STXBP2: variants seen among roughly 807,000 people sequenced by gnomAD.
The protein encoded by STXBP2 is syntaxin-binding protein 2.
STXBP2 carries 47 observed loss-of-function variants against 72.2 expected under a neutral mutation model. The observed-to-expected ratio is 0.65, with a 90% CI of 0.51 to 0.83. STXBP2 has a LOEUF of 0.83. Among genes scored for constraint, STXBP2 ranks in the 40% least tolerant of loss-of-function variants. STXBP2 has a pLI of 0.00. For synonymous variants in STXBP2, 367 were observed against 338.7 expected, an observed-to-expected ratio of 1.08 and a Z score of -0.92; for missense variants, 702 against 807.6, an observed-to-expected ratio of 0.87 and a Z score of 1.58.
chr19:7,643,511 C>T (rs987014574), intron 13 of STXBP2, among the ~76,000 whole-genome samples: 1 of 148,430 alleles, frequency 6.7e-6, no homozygotes, highest in Non-Finnish European at 1.5e-5. Context: ...GACAGGTGGT[C>T]CCAGGACAGG....
chr19:7,638,504 A>T (rs2031654241), intron 1 of STXBP2, among the ~76,000 whole-genome samples: 1 of 152,042 alleles, frequency 6.6e-6, no homozygotes, highest in Non-Finnish European at 1.5e-5. Context: ...CGGGAGGCTG[A>T]GGCAAGAGGA....
intron 6 of STXBP2, 138 bp from the exon 7 acceptor site, chr19:7,641,566 TG>T: frequency 8.4e-7 from 1 of 1,187,066 alleles, no homozygotes; most frequent in South Asian, 1.3e-5. Context: ...AGGGTTGACC[TG>T]GGCCTGCCTC....
chr19:7,646,808 T>C (rs2032155547), intron 16 of STXBP2: 1 of 428,036 alleles, frequency 2.3e-6, no homozygotes, highest in East Asian at 4.7e-5. Context: ...TCTGGGGCTC[T>C]GAGGGGCTGA....
At chr19:7,633,796 A>G (rs953866691), upstream of STXBP2, 2 of 311,194 alleles carry the variant, frequency 6.4e-6, no homozygotes, top group Non-Finnish European at 1.2e-5. Context: ...GGAGGCCAAC[A>G]GTGTAGGGTG....
rs376924149 is a variant in STXBP2 at position 7,642,468 on chromosome 19, C to T, written c.834C>T (p.Ala278=). The T allele has an allele frequency of 4.0e-5, 65 of 1,613,956 alleles. No individual in the cohort carries two copies. Among genetic ancestry groups the T allele is most frequent in the Non-Finnish European group, 4.9e-5 (58 of 1,180,044 alleles). ...GGCTGAGCGAGGCGCGGGAGAAGGC[C>T]GTCTTGCTGGACGAGGACGATGACT... The part of the protein sequence containing the change: ...TTGLSEAREK[A]VLLDEDDDLW... The change falls in exon 10 of 19, where the codon GCC becomes GCT. Residue 278 remains alanine (A), a synonymous_variant. Transcript: ENST00000221283. The surrounding 1 kb of genome is among the most constrained non-coding windows in gnomAD (Gnocchi z 6.0).
chr19:7,642,539 G>T lies in STXBP2; in HGVS notation c.902+3G>T. Reference sequence around the variant, plus strand: ...ATGCATATCGCAGATGTGTCCAAGTGCGTGCACACGGGGACCGGATCCCCC... The same window carrying T: ...ATGCATATCGCAGATGTGTCCAAGTTCGTGCACACGGGGACCGGATCCCCC... On this transcript the variant is annotated splice_donor_region_variant and intron_variant, in intron 10 of 18. Coordinates refer to ENST00000221283, the MANE Select transcript of STXBP2 (RefSeq NM_006949.4). This position sits in a 1 kb window ranked among gnomAD's most constrained non-coding sequence, Gnocchi z 6.0. 6.2e-7 allele frequency: 1 copy of T among 1,613,740 alleles called. No homozygotes were observed. The highest frequency in any genetic ancestry group is 1.3e-5 in the African/African-American group (1 of 75,030).
rs1415837581 is a variant in STXBP2, at chr19:7,645,266, G to A, written c.1316G>A (p.Arg439His). The A allele has an allele frequency of 5.7e-6, 9 of 1,586,808 alleles. No homozygotes were observed. The highest frequency in any genetic ancestry group is 3.5e-5 in the Admixed American group (2 of 56,712). The change falls in exon 15 of 19, where the codon CGT becomes CAT. Residue 439 changes from arginine (R) to histidine (H), a missense_variant. Coordinates refer to ENST00000221283, the MANE Select transcript of STXBP2 (RefSeq NM_006949.4). Reference protein sequence around the residue: ...ANVQAHSSLIRNLEQLGGTVT... With the variant: ...ANVQAHSSLIHNLEQLGGTVT... ...GTACAGGCGCACAGCAGCCTCATCC[G>A]TAACCTGGAGCAGCTGGGAGGCACT...
At position 7,642,283 on chromosome 19, in the gene STXBP2, G is replaced by A. The variant is rs150126189; in HGVS notation, c.744G>A (p.Thr248=). 1.4e-5 allele frequency: 23 copies of A among 1,614,008 alleles called. No individual in the cohort carries two copies. In the African/African-American group the frequency reaches 1.5e-4, roughly 10 times the overall value. Residue 248 remains threonine, a synonymous_variant, in exon 9 of 19, where the codon ACG becomes ACA. Transcript: ENST00000221283. The surrounding 1 kb of genome is among the most constrained non-coding windows in gnomAD (Gnocchi z 6.0). The stretch of plus-strand genomic sequence containing the variant: ...TGTCCCCACTACTGCATGAGCTCAC[G>A]TTCCAGGCCATGGCGTATGATCTGC... ...DPVSPLLHEL[T]FQAMAYDLLD... is the part of the protein sequence containing the mutation.
intron 13 of STXBP2, among the ~76,000 whole-genome samples, chr19:7,644,090 G>T (rs2032025764): frequency 2.2e-5 from 3 of 136,658 alleles, no homozygotes; most frequent in African/African-American, 2.8e-5. Context: ...GCCTTGGAGA[G>T]CTGGGACCTG....
At chr19:7,634,716 C>T (rs752226587), upstream of STXBP2, among the ~76,000 whole-genome samples, 4 of 152,162 alleles carry the variant, frequency 2.6e-5, no homozygotes, top group African/African-American at 4.8e-5. Flanking sequence ...GTTCCAGAGG[C>T]CACAGCCTGA....
At position 7,641,011 on chromosome 19, in the gene STXBP2, CCGGGCTCA is replaced by C. The variant is rs2031851545; in HGVS notation, c.429+9_429+16del. On this transcript the variant is annotated intron_variant, in intron 6 of 18. Coordinates refer to ENST00000221283, the MANE Select transcript of STXBP2 (RefSeq NM_006949.4). ...CTCCCCTACGAGGCCCAGGTACGGC[CCGGGCTCA>C]TCCTGGGCAGGGGGTGGGGGTTTGT... The C allele has an allele frequency of 6.2e-7, 1 of 1,613,764 alleles. No homozygotes were observed. Among genetic ancestry groups the C allele is most frequent in the Admixed American group, 1.7e-5 (1 of 59,996 alleles).
chr19:7,635,498 CA>C (rs2031490855), upstream of STXBP2, among the ~76,000 whole-genome samples: 1 of 152,130 alleles, frequency 6.6e-6, no homozygotes, highest in Non-Finnish European at 1.5e-5. Flanking sequence ...AGTTTGATAC[CA>C]GCCTGGGCAA....
At chr19:7,633,961 A>T (rs2031438715), upstream of STXBP2, 1 of 153,588 alleles carries the variant, frequency 6.5e-6, no homozygotes, top group African/African-American at 2.4e-5. Flanking sequence ...CACCTGCCTC[A>T]GACACCACCG....
chr19:7,640,375 TGC>T (rs769214459), intron 4 of STXBP2: 10 of 575,142 alleles, frequency 1.7e-5, no homozygotes, highest in Middle Eastern at 4.5e-4. Flanking sequence ...TGCGTGTGTG[TGC>T]GCATCAGTGT....
upstream of STXBP2, chr19:7,631,915 T>C (rs112690068): frequency 0.012 from 13,029 of 1,119,586 alleles, 512 homozygotes; most frequent in Admixed American, 0.14. Context: ...CCCACCTCAT[T>C]GTGAGCACTG....
chr19:7,632,585 C>A, upstream of STXBP2: 14 of 1,599,520 alleles, frequency 8.8e-6, no homozygotes, highest in Non-Finnish European at 1.2e-5. The surrounding 1 kb of genome is among the most constrained non-coding windows in gnomAD (Gnocchi z 5.2). Context: ...ACCCCTTCAC[C>A]CCCACACAGA....
At chr19:7,637,738 G>A (rs866179967) in intron 1 of STXBP2, among the ~76,000 whole-genome samples, 4 of 152,166 alleles carry the variant, frequency 2.6e-5, no homozygotes, top group Non-Finnish European at 5.9e-5. Flanking sequence ...AGGGTGGAGG[G>A]CGCCTCTTCC....
the STXBP2 span, chr19:7,630,034 G>T: frequency 2.5e-6 from 2 of 816,272 alleles, no homozygotes; most frequent in African/African-American, 1.8e-5. Flanking sequence ...CTGGGCTGGG[G>T]GGGTTCTCGG....
chr19:7,640,285 T>G, intron 4 of STXBP2: 1 of 557,808 alleles, frequency 1.8e-6, no homozygotes, highest in Admixed American at 2.2e-5. Flanking sequence ...TATGTGCATC[T>G]GTGTGCATGT....
Sources: allele counts gnomAD v4.1 joint callset (sites outside exome capture counted in the v4.1 genomes callset), GRCh38; gene constraint gnomAD v4.1.1; non-coding constraint Gnocchi (gnomAD v3.1); transcripts MANE v1.5; gene names NCBI Gene and HGNC (gene_info 2026-07-23, HGNC 2026-07-21).